POC5: variants seen among roughly 807,000 people sequenced by gnomAD.
POC5 encodes POC5 centriolar protein, also known as centrosomal protein POC5.
In POC5, 48 loss-of-function variants were observed where a neutral mutation model predicts 62.9. That is an observed-to-expected ratio of 0.76 (90% CI 0.61 to 0.97). The LOEUF is 0.97. POC5 is among the 50% of genes least tolerant of loss of function. POC5 has a pLI of 0.00. For missense variants in POC5, 696 were observed against 679.5 expected (o/e 1.02, Z -0.27); for synonymous variants, 236 against 228.2 (o/e 1.03, Z -0.31).
Position 75,677,808 on chromosome 5 carries a change from G to A in POC5, c.1550C>T (p.Ser517Leu), listed in dbSNP as rs1287859139. 1 of 1,611,316 alleles carries A rather than the reference G, an allele frequency of 6.2e-7. No individual in the cohort carries two copies. The highest frequency in any genetic ancestry group is 1.7e-4 in the Middle Eastern group (1 of 6,054). The change falls in exon 11 of 12, where the codon TCA (serine) becomes TTA (leucine). Residue 517 changes from serine to leucine, a missense_variant. Coordinates refer to ENST00000428202, the MANE Select transcript of POC5 (RefSeq NM_001099271.2). ...TGGATGATGTTTTTCCACAACAACT[G>A]AGCTCATGGGAGGAGAAACTCCCAT... ...AIMGVSPPMS[S>L]VVVEKHHPVT... is the part of the protein sequence containing the mutation.
chr5:75,710,164 A>G (rs947903960), intron 2 of POC5, among the ~76,000 whole-genome samples: 1 of 152,214 alleles, frequency 6.6e-6, no homozygotes, highest in Non-Finnish European at 1.5e-5. Flanking sequence ...TCCTCAGATG[A>G]TCTCAGGACT....
At position 75,684,287 on chromosome 5, in the gene POC5, GA is replaced by G. The variant is rs1292947612; in HGVS notation, c.1407+919del. ...ATATACATTAACCTCCCACACCTTT[GA>G]AAACACCCAATAGTGTTCTTCAAAC... is the stretch of plus-strand genomic sequence containing the variant. On this transcript the variant is annotated intron_variant, in intron 10 of 11. Transcript: ENST00000428202. 2.0e-5 allele frequency among the ~76,000 whole-genome samples: 3 copies of G among 148,854 alleles called. No homozygotes were observed. In the East Asian group the frequency reaches 5.8e-4, roughly 29 times the overall value.
intron 11 of POC5, among the ~76,000 whole-genome samples, chr5:75,677,134 C>T (rs1561459031): frequency 6.6e-6 from 1 of 152,136 alleles, no homozygotes; most frequent in East Asian, 1.9e-4. Context: ...CCCCATTTTA[C>T]AGAAGAGAAA....
intron 1 of POC5, among the ~76,000 whole-genome samples, chr5:75,714,005 T>C (rs562797060): frequency 2.0e-5 from 3 of 152,350 alleles, no homozygotes; most frequent in Non-Finnish European, 4.4e-5. Context: ...GTGTTTATTC[T>C]AGACAAGTTA....
chr5:75,705,471 A>G (rs866195759), intron 4 of POC5: 1 of 301,188 alleles, frequency 3.3e-6, no homozygotes, highest in South Asian at 1.2e-4. Flanking sequence ...CCTCTAACTT[A>G]GCAATTTTAA....
At chr5:75,698,148 A>G (rs1180291882) in intron 5 of POC5, among the ~76,000 whole-genome samples, 1 of 139,592 alleles carries the variant, frequency 7.2e-6, no homozygotes, top group East Asian at 2.0e-4. Context: ...TGTCAACATT[A>G]GACAGATCAA....
chr5:75,696,454 A>G (rs536954843), intron 5 of POC5, among the ~76,000 whole-genome samples: 1 of 152,302 alleles, frequency 6.6e-6, no homozygotes, highest in East Asian at 1.9e-4. Context: ...AGGCAGACTG[A>G]CACCTCACAC....
chr5:75,681,320 A>G (rs1405590531), intron 10 of POC5, among the ~76,000 whole-genome samples: 1 of 152,182 alleles, frequency 6.6e-6, no homozygotes. Flanking sequence ...TTCACTTTCT[A>G]TTCAAATGAA....
intron 10 of POC5, among the ~76,000 whole-genome samples, chr5:75,684,207 T>C (rs887876035): frequency 6.6e-6 from 1 of 152,168 alleles, no homozygotes; most frequent in South Asian, 2.1e-4. Flanking sequence ...GTTAGTGATA[T>C]ATCTGCATTT....
intron 6 of POC5, 67 bp downstream of exon 6, chr5:75,694,588 C>A: frequency 8.0e-7 from 1 of 1,245,582 alleles, no homozygotes; most frequent in Non-Finnish European, 1.1e-6. Flanking sequence ...ATAATCATTT[C>A]TTAGAATTTA....
chr5:75,674,569 G>T lies in POC5; in HGVS notation c.1594C>A (p.Pro532Thr). 1 of 1,613,788 alleles carries T rather than the reference G, an allele frequency of 6.2e-7. No individual in the cohort carries two copies. The highest frequency in any genetic ancestry group is 8.5e-7 in the Non-Finnish European group (1 of 1,179,800). The change falls in exon 12 of 12, where the codon CCT becomes ACT. Residue 532 changes from proline to threonine, a missense_variant. Coordinates refer to ENST00000428202, the MANE Select transcript of POC5 (RefSeq NM_001099271.2). ...KHHPVTVQTI[P>T]QATAAKYPRT... ...GGATATTTTGCTGCAGTTGCTTGAG[G>T]AATGGTTTGCTGAAAAGACAAAATT...
chr5:75,689,504 G>C (rs1776229795), intron 8 of POC5: 2 of 982,090 alleles, frequency 2.0e-6, no homozygotes, highest in Admixed American at 6.2e-5. Context: ...TACATTAAGA[G>C]CCACAGACAG....
intron 6 of POC5, among the ~76,000 whole-genome samples, chr5:75,693,481 A>G (rs1326058250): frequency 1.3e-5 from 2 of 152,174 alleles, no homozygotes; most frequent in African/African-American, 2.4e-5. Flanking sequence ...GTACCTGTCT[A>G]TCCACTTTAC....
At chr5:75,715,309 C>CAAAAAAAAAAAAAA (rs922297009) in intron 1 of POC5, among the ~76,000 whole-genome samples, 1 of 59,324 alleles carries the variant, frequency 1.7e-5, no homozygotes, top group African/African-American at 6.2e-5. Context: ...GACTCCGTCT[C>CAAAAAAAAAAAAAA]AAAAAAAAAA....
At chr5:75,714,201 G>A (rs1777461033) in intron 1 of POC5, among the ~76,000 whole-genome samples, 1 of 152,060 alleles carries the variant, frequency 6.6e-6, no homozygotes, top group Non-Finnish European at 1.5e-5. Flanking sequence ...CCAACATGGC[G>A]AAACCCTGTC....
intron 2 of POC5, among the ~76,000 whole-genome samples, chr5:75,709,789 G>A (rs1309374794): frequency 6.6e-6 from 1 of 152,208 alleles, no homozygotes; most frequent in Non-Finnish European, 1.5e-5. Flanking sequence ...CTGAATGTGT[G>A]TGTTGGTCCT....
chr5:75,685,909 C>A (rs1776081273), intron 9 of POC5, among the ~76,000 whole-genome samples: 1 of 152,112 alleles, frequency 6.6e-6, no homozygotes, highest in African/African-American at 2.4e-5. Context: ...ATCTTTAGAA[C>A]CACTTTCTGA....
intron 9 of POC5, among the ~76,000 whole-genome samples, chr5:75,685,798 A>G (rs1302192495): frequency 5.3e-5 from 8 of 152,304 alleles, no homozygotes; most frequent in East Asian, 1.9e-4. Flanking sequence ...TGCCATCACA[A>G]CTGTCACAAA....
intron 10 of POC5, among the ~76,000 whole-genome samples, chr5:75,683,891 A>G (rs1775969140): frequency 6.6e-6 from 1 of 152,090 alleles, no homozygotes; most frequent in Non-Finnish European, 1.5e-5. Flanking sequence ...TTTTGTAAAG[A>G]TGAGGTCTCG....
Sources: allele counts gnomAD v4.1 joint callset (sites outside exome capture counted in the v4.1 genomes callset), GRCh38; gene constraint gnomAD v4.1.1; transcripts MANE v1.5; gene names NCBI Gene and HGNC (gene_info 2026-07-23, HGNC 2026-07-21).